Variants in MECOM observed in about 807,000 individuals in gnomAD.
MECOM encodes the protein histone-lysine N-methyltransferase MECOM.
A neutral mutation model predicts 116.3 loss-of-function variants in MECOM; 13 were observed. The observed-to-expected ratio is 0.11, with a 90% CI of 0.07 to 0.18. The LOEUF is 0.18. Among genes scored for constraint, MECOM ranks in the 10% least tolerant of loss-of-function variants. MECOM has a pLI of 1.00. For synonymous variants in MECOM, 528 were observed against 535.2 expected, an observed-to-expected ratio of 0.99 and a Z score of 0.19; for missense variants, 1,299 against 1,509.0, an observed-to-expected ratio of 0.86 and a Z score of 2.31.
intron 1 of MECOM, among the ~76,000 whole-genome samples, chr3:169,438,934 A>G (rs1743160509): frequency 6.6e-6 from 1 of 152,068 alleles, no homozygotes; most frequent in African/African-American, 2.4e-5. Context: ...ATAAATTAAA[A>G]ACAATCTCAA....
At chr3:169,090,557 A>T (rs565478704) in intron 14 of MECOM, among the ~76,000 whole-genome samples, 115 of 152,246 alleles carry the variant, frequency 7.6e-4, no homozygotes, top group African/African-American at 2.7e-3. Flanking sequence ...AAAAAGGCAC[A>T]TAAGTATGTT....
intron 1 of MECOM, among the ~76,000 whole-genome samples, chr3:169,662,322 G>A (rs1335850359): frequency 6.6e-6 from 1 of 152,126 alleles, no homozygotes; most frequent in Non-Finnish European, 1.5e-5. Flanking sequence ...CGCCCTCTCC[G>A]CGGCCCAACG....
At chr3:169,239,605 A>G (rs1460306045) in intron 2 of MECOM, among the ~76,000 whole-genome samples, 1 of 152,042 alleles carries the variant, frequency 6.6e-6, no homozygotes, top group Admixed American at 6.6e-5. Context: ...TGAGAACTTA[A>G]AAAGATATTT....
chr3:169,310,018 G>A (rs997965378), intron 2 of MECOM, among the ~76,000 whole-genome samples: 4 of 152,164 alleles, frequency 2.6e-5, no homozygotes, highest in African/African-American at 9.7e-5. Context: ...GTGTGGCCTT[G>A]GACCCTTTTC....
At chr3:169,598,071 A>T (rs767025267) in intron 1 of MECOM, among the ~76,000 whole-genome samples, 12 of 152,164 alleles carry the variant, frequency 7.9e-5, no homozygotes, top group Non-Finnish European at 1.8e-4. Context: ...CAGTATATCA[A>T]CCTTTCTGGA....
intron 1 of MECOM, among the ~76,000 whole-genome samples, chr3:169,506,427 C>T (rs1223745606): frequency 6.6e-6 from 1 of 151,184 alleles, no homozygotes; most frequent in Non-Finnish European, 1.5e-5. Flanking sequence ...CTCTTGACTT[C>T]ATCATTCTTG....
chr3:169,198,183 G>A (rs1311883996), intron 2 of MECOM, among the ~76,000 whole-genome samples: 4 of 151,926 alleles, frequency 2.6e-5, no homozygotes, highest in Non-Finnish European at 5.9e-5. Context: ...TTGAGTTAGT[G>A]ACCAGTTCAT....
At chr3:169,175,178 G>A (rs1237405345) in intron 2 of MECOM, among the ~76,000 whole-genome samples, 1 of 151,978 alleles carries the variant, frequency 6.6e-6, no homozygotes, top group African/African-American at 2.4e-5. Flanking sequence ...AACATATCAG[G>A]CATGTTTTCA....
At chr3:169,157,998 G>C (rs983382810) in intron 2 of MECOM, among the ~76,000 whole-genome samples, 1 of 152,078 alleles carries the variant, frequency 6.6e-6, no homozygotes, top group African/African-American at 2.4e-5. Flanking sequence ...ATGACTACAG[G>C]TTTAACATTT....
At chr3:169,307,151 C>G (rs1307396181) in intron 2 of MECOM, among the ~76,000 whole-genome samples, 1 of 152,166 alleles carries the variant, frequency 6.6e-6, no homozygotes, top group Non-Finnish European at 1.5e-5. Context: ...CCTCACACTC[C>G]TTTACTCCTA....
intron 3 of MECOM, among the ~76,000 whole-genome samples, chr3:169,142,725 C>T (rs942815623): frequency 6.6e-6 from 1 of 151,880 alleles, no homozygotes; most frequent in Admixed American, 6.6e-5. Context: ...AGAATAATCT[C>T]ATAATAATGA....
chr3:169,606,982 G>A (rs1768659807), intron 1 of MECOM, among the ~76,000 whole-genome samples: 1 of 152,186 alleles, frequency 6.6e-6, no homozygotes, highest in South Asian at 2.1e-4. Context: ...AAGTCGTAGT[G>A]TTATTAAAAG....
In MECOM at chr3:169,490,887, T is replaced by TA. The variant is rs542971556; in HGVS notation, c.38-109364dup. 2.8e-3 allele frequency among the ~76,000 whole-genome samples: 423 copies of TA among 152,050 alleles called. 7 individuals carry two copies. The highest frequency in any genetic ancestry group is 9.2e-3 in the African/African-American group (383 of 41,472). On this transcript the variant is annotated intron_variant, in intron 1 of 16. Coordinates refer to ENST00000651503, the MANE Select transcript of MECOM (RefSeq NM_004991.4). Reference sequence around the variant, plus strand: ...CATGTATTTGAAGCATTTCATAATATAAAAAAAATGTTTTTTTGTAGTGAC... The same window carrying TA: ...CATGTATTTGAAGCATTTCATAATATAAAAAAAAATGTTTTTTTGTAGTGAC...
At chr3:169,146,143 T>TAA (rs557633097) in intron 2 of MECOM, 5 of 839,002 alleles carry the variant, frequency 6.0e-6, no homozygotes, top group South Asian at 4.4e-5. Flanking sequence ...AAAGATAGCT[T>TAA]AAAAAAAAAC....
At chr3:169,591,237 A>G in intron 1 of MECOM, among the ~76,000 whole-genome samples, 1 of 152,232 alleles carries the variant, frequency 6.6e-6, no homozygotes, top group African/African-American at 2.4e-5. Flanking sequence ...ATCCTTTTGT[A>G]CATCATTTAT....
In MECOM at chr3:169,663,484, C is replaced by G. The variant is rs1457320134; in HGVS notation, c.-112G>C. On this transcript the variant is annotated 5_prime_UTR_variant, in exon 1 of 17. Transcript: ENST00000651503. ...CTCCCTCTCTCTCCTGTCTCTCTCT[C>G]TCTCTCTCTCTCTCTCTCTCTCTCT... The G allele has an allele frequency of 3.3e-5, 6 of 180,886 alleles. No homozygotes were observed. Among genetic ancestry groups the G allele is most frequent in the South Asian group, 6.0e-5 (1 of 16,772 alleles). 11.2% of individuals were successfully genotyped at this position (180,886 alleles called of 1,614,324 possible).
chr3:169,385,044 C>T (rs1733080818), intron 1 of MECOM, among the ~76,000 whole-genome samples: 1 of 144,898 alleles, frequency 6.9e-6, no homozygotes, highest in South Asian at 2.2e-4. Flanking sequence ...ACAGAGGTTG[C>T]AGTGAGCCGA....
intron 3 of MECOM, among the ~76,000 whole-genome samples, chr3:169,142,459 G>A (rs1010179355): frequency 6.6e-6 from 1 of 151,892 alleles, no homozygotes; most frequent in Non-Finnish European, 1.5e-5. Context: ...AATATCTGTT[G>A]TTGATGGCGA....
At chr3:169,203,573 A>C (rs1749487484) in intron 2 of MECOM, among the ~76,000 whole-genome samples, 1 of 152,232 alleles carries the variant, frequency 6.6e-6, no homozygotes, top group Non-Finnish European at 1.5e-5. Flanking sequence ...TGATTATAAT[A>C]ATCATTAATC....
Sources: allele counts gnomAD v4.1 joint callset (sites outside exome capture counted in the v4.1 genomes callset), GRCh38; gene constraint gnomAD v4.1.1; transcripts MANE v1.5; gene names NCBI Gene and HGNC (gene_info 2026-07-23, HGNC 2026-07-21).